REC114: variants seen among roughly 807,000 people sequenced by gnomAD.
REC114 encodes the protein meiotic recombination protein REC114.
A neutral mutation model predicts 31.3 loss-of-function variants in REC114; 27 were observed. The observed-to-expected ratio is 0.86, with a 90% confidence interval of 0.64 to 1.19. REC114 has a LOEUF of 1.19. Among genes scored for constraint, REC114 ranks in the 50% most tolerant of loss-of-function variants. REC114 has a pLI of 0.00. For synonymous variants in REC114, 134 were observed against 127.7 expected (o/e 1.05, Z -0.33); for missense variants, 344 against 326.9 (o/e 1.05, Z -0.40).
intron 2 of REC114, among the ~76,000 whole-genome samples, chr15:73,522,196 A>G (rs1893945927): frequency 6.6e-6 from 1 of 152,076 alleles, no homozygotes; most frequent in South Asian, 2.1e-4. Context: ...AATGGTTTGC[A>G]CTTCTGAGGC....
intron 1 of REC114, among the ~76,000 whole-genome samples, chr15:73,454,063 C>T (rs1019384392): frequency 6.6e-6 from 1 of 151,960 alleles, no homozygotes; most frequent in Non-Finnish European, 1.5e-5. Flanking sequence ...CACGTGTATA[C>T]CTATGTAACA....
intron 1 of REC114, among the ~76,000 whole-genome samples, chr15:73,450,640 A>C (rs1892832162): frequency 1.3e-5 from 2 of 152,236 alleles, no homozygotes; most frequent in African/African-American, 4.8e-5. Flanking sequence ...TGAACCTAAT[A>C]GACATCTACA....
chr15:73,540,466 T>C lies in REC114; in HGVS notation c.250-19T>C. 6.3e-7 allele frequency: 1 copy of C among 1,591,722 alleles called. No homozygotes were observed. The highest frequency in any genetic ancestry group is 8.6e-7 in the Non-Finnish European group (1 of 1,159,666). ...ATATTTTTGTTTCTGTTGCTAATTT[T>C]TGCCTAATTTTGTTTCAGGAAGGGT... On this transcript the variant is annotated intron_variant, in intron 2 of 5. Coordinates refer to ENST00000331090, the MANE Select transcript of REC114 (RefSeq NM_001042367.2).
At position 73,551,056 on chromosome 15, in the gene REC114, G is replaced by A; in HGVS notation, c.452G>A (p.Gly151Glu). 1 of 1,613,822 alleles carries A rather than the reference G, an allele frequency of 6.2e-7. No individual in the cohort carries two copies. The highest frequency in any genetic ancestry group is 2.2e-5 in the East Asian group (1 of 44,862). The change falls in exon 4 of 6, where the codon GGA becomes GAA. Residue 151 changes from glycine to glutamate, a missense_variant. Gly to Glu is a moderately conservative substitution (Grantham distance 98). Coordinates refer to ENST00000331090, the MANE Select transcript of REC114 (RefSeq NM_001042367.2). ...TACATAACCGTGCAGGTGCCTGATG[G>A]AAACATCCAGGAGCTTCAGCTGATT... ...AQYITVQVPD[G>E]NIQELQLIPG...
At position 73,459,072 on chromosome 15, in the gene REC114, A is replaced by T. The variant is rs1892954628; in HGVS notation, c.160-14760A>T. On this transcript the variant is annotated intron_variant, in intron 1 of 5. Transcript: ENST00000331090. ...GTTAATACCTAGAACACTGCTTGGCAGATGCCCCCAAAATATTAATTGAAG... is the reference window on the plus strand; with the variant it reads ...GTTAATACCTAGAACACTGCTTGGCTGATGCCCCCAAAATATTAATTGAAG... 2.0e-5 allele frequency among the ~76,000 whole-genome samples: 3 copies of T among 152,186 alleles called. No individual in the cohort carries two copies. In the South Asian group the frequency reaches 6.2e-4, roughly 32 times the overall value.
chr15:73,521,072 T>C (rs146078842), intron 2 of REC114, among the ~76,000 whole-genome samples: 1 of 152,174 alleles, frequency 6.6e-6, no homozygotes, highest in South Asian at 2.1e-4. Context: ...TCTTTCAGGA[T>C]GGGCCAGAGT....
Position 73,487,820 on chromosome 15 carries a change from A to C in REC114, c.249+13899A>C, listed in dbSNP as rs181932987. 6.2e-3 allele frequency among the ~76,000 whole-genome samples: 944 copies of C among 152,322 alleles called. 14 individuals carry two copies. Among genetic ancestry groups the C allele is most frequent in the Non-Finnish European group, 6.3e-3 (430 of 68,030 alleles). ...GCAGTAGCCCTGCATCCGTGGCTTC[A>C]CTAGGCATTGCCCTGGTGGGGGCTA... On this transcript the variant is annotated intron_variant, in intron 2 of 5. Coordinates refer to ENST00000331090, the MANE Select transcript of REC114 (RefSeq NM_001042367.2).
chr15:73,483,839 G>T (rs1393461104), intron 2 of REC114: 3 of 152,298 alleles, frequency 2.0e-5, no homozygotes, highest in Non-Finnish European at 1.5e-5. Flanking sequence ...GGCCCCTTCA[G>T]TTGGAAGGAA....
chr15:73,537,165 A>G (rs544129717), intron 2 of REC114, among the ~76,000 whole-genome samples: 2 of 152,344 alleles, frequency 1.3e-5, no homozygotes, highest in African/African-American at 2.4e-5. Flanking sequence ...GAAAAAATAG[A>G]CATTAAGGAA....
intron 2 of REC114, among the ~76,000 whole-genome samples, chr15:73,502,169 A>AG (rs1555487294): frequency 4.0e-5 from 6 of 151,558 alleles, no homozygotes; most frequent in South Asian, 4.2e-4. Context: ...AAAAAAAAAA[A>AG]TGACAGAATG....
chr15:73,445,264 C>T (rs867683828), intron 1 of REC114, among the ~76,000 whole-genome samples: 1 of 152,174 alleles, frequency 6.6e-6, no homozygotes, highest in African/African-American at 2.4e-5. Flanking sequence ...TAGCTATGAA[C>T]GTCCTAGATG....
chr15:73,559,936 A>G lies in REC114; in HGVS notation c.*20A>G. The G allele has an allele frequency of 1.3e-6, 2 of 1,556,838 alleles. No individual in the cohort carries two copies. Among genetic ancestry groups the G allele is most frequent in the Non-Finnish European group, 1.7e-6 (2 of 1,160,676 alleles). On this transcript the variant is annotated 3_prime_UTR_variant, in exon 6 of 6. Transcript: ENST00000331090. The stretch of plus-strand genomic sequence containing the variant: ...AATTAATGCTCTATATACATATATA[A>G]CTAAGGAACTTCAAAGTATTGAAAA...
intron 2 of REC114, among the ~76,000 whole-genome samples, chr15:73,515,278 G>A (rs1893842222): frequency 6.6e-6 from 1 of 152,086 alleles, no homozygotes; most frequent in Admixed American, 6.6e-5. Flanking sequence ...ATAACTTATT[G>A]TATTATCTTT....
At chr15:73,452,587 C>G (rs1892865843) in intron 1 of REC114, among the ~76,000 whole-genome samples, 1 of 152,142 alleles carries the variant, frequency 6.6e-6, no homozygotes, top group Admixed American at 6.5e-5. Flanking sequence ...TCAATGCTAT[C>G]CCCATCAAGC....
At chr15:73,501,942 T>A (rs1051038815) in intron 2 of REC114, among the ~76,000 whole-genome samples, 1 of 152,214 alleles carries the variant, frequency 6.6e-6, no homozygotes, top group African/African-American at 2.4e-5. Flanking sequence ...TAAGATCATA[T>A]TCTTCTGAAA....
intron 1 of REC114, among the ~76,000 whole-genome samples, chr15:73,460,277 A>G (rs1412992847): frequency 6.6e-6 from 1 of 152,174 alleles, no homozygotes; most frequent in Non-Finnish European, 1.5e-5. Context: ...TAGTGGTTTA[A>G]GGAGTCTAAG....
At chr15:73,505,736 G>A (rs893770740) in intron 2 of REC114, among the ~76,000 whole-genome samples, 1 of 152,120 alleles carries the variant, frequency 6.6e-6, no homozygotes, top group Non-Finnish European at 1.5e-5. Flanking sequence ...ATTTCACCGT[G>A]TTAGCCAGGA....
rs78428397 is a variant in REC114 at position 73,447,213 on chromosome 15, A to T, written c.159+3869A>T. ...ATTGAATTTCATAAGATTGTGAAGC[A>T]TCCAAGTGGAGATACTGAATAGGTG... On this transcript the variant is annotated intron_variant, in intron 1 of 5. Coordinates refer to ENST00000331090, the MANE Select transcript of REC114 (RefSeq NM_001042367.2). Among the ~76,000 whole-genome samples the T allele has an allele frequency of 1.5e-3, 226 of 152,310 alleles. 1 individual carries two copies. Among genetic ancestry groups the T allele is most frequent in the Admixed American group, 0.012 (183 of 15,302 alleles).
chr15:73,446,415 G>A (rs539129054), intron 1 of REC114, among the ~76,000 whole-genome samples: 2 of 152,244 alleles, frequency 1.3e-5, no homozygotes, highest in East Asian at 1.9e-4. Context: ...TGAGGCAGGC[G>A]GATCACCTGA....
Sources: allele counts gnomAD v4.1 joint callset (sites outside exome capture counted in the v4.1 genomes callset), GRCh38; gene constraint gnomAD v4.1.1; transcripts MANE v1.5; gene names NCBI Gene and HGNC (gene_info 2026-07-23, HGNC 2026-07-21).